ZCRB1: variants seen among roughly 807,000 people sequenced by gnomAD.
The protein encoded by ZCRB1 is zinc finger CCHC-type and RNA-binding motif-containing protein 1.
Under a neutral mutation model 29.9 loss-of-function variants are expected in ZCRB1, and 21 were observed. The observed-to-expected ratio is 0.70, with a 90% CI of 0.50 to 1.01. The LOEUF (loss-of-function observed/expected upper bound fraction) is 1.01, where lower values mean the gene tolerates loss of function less well. ZCRB1 is among the 50% of genes least tolerant of loss of function. The probability of loss-of-function intolerance (pLI) is 0.00; values close to 1 mark genes in which losing one functional copy is unlikely to be tolerated. For missense variants in ZCRB1, 204 were observed against 253.3 expected (o/e 0.81, Z 1.32); for synonymous variants, 77 against 80.0 (o/e 0.96, Z 0.20).
At chr12:42,314,422 A>AAAT (rs2068584888) in intron 5 of ZCRB1, among the ~76,000 whole-genome samples, 1 of 148,188 alleles carries the variant, frequency 6.7e-6, no homozygotes, top group Non-Finnish European at 1.5e-5. Flanking sequence ...AAAAAAAAAA[A>AAAT]AAAAAAAAAT....
intron 3 of ZCRB1, among the ~76,000 whole-genome samples, chr12:42,321,570 A>T (rs1369995508): frequency 1.3e-5 from 2 of 152,236 alleles, no homozygotes; most frequent in Admixed American, 1.3e-4. Flanking sequence ...AAATCTGAAC[A>T]CCCAAAAATT....
intron 5 of ZCRB1, among the ~76,000 whole-genome samples, chr12:42,316,777 G>GT (rs2068596652): frequency 6.6e-6 from 1 of 152,170 alleles, no homozygotes; most frequent in Non-Finnish European, 1.5e-5. Context: ...AGTGACATAA[G>GT]TAATCAGTCT....
At position 42,318,208 on chromosome 12, in the gene ZCRB1, T is replaced by C. The variant is rs2068604187; in HGVS notation, c.114-310A>G. On this transcript the variant is annotated intron_variant, in intron 3 of 7. Transcript: ENST00000266529. ...CCTCTTCCATGCTAACTCCCTCACC[T>C]TGCAAAACAAAACAAAATAAAGGTA... 2.0e-5 allele frequency among the ~76,000 whole-genome samples: 3 copies of C among 152,124 alleles called. No homozygotes were observed. The South Asian group carries it at 6.2e-4, about 32-fold the overall frequency.
chr12:42,323,513 C>T (rs369755302), intron 2 of ZCRB1, among the ~76,000 whole-genome samples: 19 of 152,298 alleles, frequency 1.2e-4, no homozygotes, highest in African/African-American at 4.1e-4. Context: ...CCCAACTTAA[C>T]GTTCAATAGC....
At chr12:42,322,852 A>G (rs2068628565) in intron 2 of ZCRB1, among the ~76,000 whole-genome samples, 1 of 152,168 alleles carries the variant, frequency 6.6e-6, no homozygotes, top group East Asian at 1.9e-4. Context: ...CCTCACCACT[A>G]CCTTGTTATT....
At chr12:42,315,249 A>G (rs1343117394) in intron 5 of ZCRB1, among the ~76,000 whole-genome samples, 2 of 152,258 alleles carry the variant, frequency 1.3e-5, no homozygotes, top group Non-Finnish European at 2.9e-5. Context: ...TTTGTAAAAC[A>G]TAAGAGCTCA....
intron 3 of ZCRB1, among the ~76,000 whole-genome samples, chr12:42,322,048 C>A (rs1279556406): frequency 3.3e-5 from 5 of 151,680 alleles, no homozygotes; most frequent in Non-Finnish European, 1.5e-5. Context: ...TGAAAAAAAA[C>A]AAAACAAAAA....
rs1054304518 is a variant in ZCRB1, at chr12:42,325,200, C to G, written c.-3+724G>C. 8.5e-5 allele frequency among the ~76,000 whole-genome samples: 13 copies of G among 152,252 alleles called. 1 individual carries two copies. The highest frequency in any genetic ancestry group is 6.8e-3 in the Middle Eastern group (2 of 294). On this transcript the variant is annotated intron_variant, in intron 1 of 7. Coordinates refer to ENST00000266529, the MANE Select transcript of ZCRB1 (RefSeq NM_033114.4). ...GTGGTATATGTGGTTTGTTGTTAATCAAAAAGTTGTTATGCTGTGCATGCC... is the reference window on the plus strand; with the variant it reads ...GTGGTATATGTGGTTTGTTGTTAATGAAAAAGTTGTTATGCTGTGCATGCC...
intron 3 of ZCRB1, among the ~76,000 whole-genome samples, chr12:42,319,522 G>GT (rs1285543290): frequency 3.3e-5 from 5 of 152,142 alleles, no homozygotes; most frequent in African/African-American, 1.2e-4. Context: ...AGCATGGCCT[G>GT]TATTTCCCCA....
chr12:42,315,235 T>C (rs985896659), intron 5 of ZCRB1, among the ~76,000 whole-genome samples: 26 of 152,220 alleles, frequency 1.7e-4, no homozygotes, highest in Non-Finnish European at 7.3e-5. Context: ...AGCTAGAACA[T>C]TGATTTGTAA....
At chr12:42,318,617 AT>A (rs1250769360) in intron 3 of ZCRB1, among the ~76,000 whole-genome samples, 1 of 152,224 alleles carries the variant, frequency 6.6e-6, no homozygotes, top group African/African-American at 2.4e-5. Flanking sequence ...ACCGTATGTC[AT>A]TTAACATAGT....
chr12:42,320,588 C>T (rs1447356793), intron 3 of ZCRB1, among the ~76,000 whole-genome samples: 3 of 152,054 alleles, frequency 2.0e-5, no homozygotes, highest in Admixed American at 2.0e-4. Context: ...GCTGGGATTA[C>T]AGGTGTGTAC....
At chr12:42,319,137 A>G (rs1212276705) in intron 3 of ZCRB1, among the ~76,000 whole-genome samples, 1 of 152,160 alleles carries the variant, frequency 6.6e-6, no homozygotes, top group African/African-American at 2.4e-5. Flanking sequence ...TTTTTAAAGT[A>G]GTATTTCAAA....
At position 42,324,083 on chromosome 12, in the gene ZCRB1, G is replaced by A; in HGVS notation, c.20C>T (p.Pro7Leu). MSGGLAPSKSTVYVSNL... is the reference protein window; with the variant it reads MSGGLALSKSTVYVSNL... The stretch of plus-strand genomic sequence containing the variant: ...GGATACATACACTGTGCTCTTACTT[G>A]GAGCCAATCCACCACTCATTTCTAA... Residue 7 changes from proline to leucine, a missense_variant, in exon 2 of 8, where the codon CCA becomes CTA. Transcript: ENST00000266529. 1 of 1,614,088 alleles carries A rather than the reference G, an allele frequency of 6.2e-7. No homozygotes were observed. Among genetic ancestry groups the A allele is most frequent in the South Asian group, 1.1e-5 (1 of 91,084 alleles).
chr12:42,323,114 T>C (rs1022809888), intron 2 of ZCRB1, among the ~76,000 whole-genome samples: 2 of 152,182 alleles, frequency 1.3e-5, no homozygotes, highest in Non-Finnish European at 2.9e-5. Context: ...GTTCCTATTA[T>C]ATAAAAAGTC....
intron 7 of ZCRB1, 137 bp from the exon 8 acceptor site, chr12:42,313,335 C>T: frequency 1.1e-6 from 1 of 900,992 alleles, no homozygotes; most frequent in Non-Finnish European, 1.6e-6. Flanking sequence ...ATAAGATCTG[C>T]TCCCTTCCCC....
In ZCRB1 at chr12:42,313,748, C is replaced by G; in HGVS notation, c.464G>C (p.Ser155Thr). Reference sequence around the variant, plus strand: ...AGCAGGATCCTCCCCTTCATCTTCACTTTCTTCTACTTCCTCACTTAAATA... The same window carrying G: ...AGCAGGATCCTCCCCTTCATCTTCAGTTTCTTCTACTTCCTCACTTAAATA... ...PEEEIEEVEE[S>T]EDEGEDPALD... The change falls in exon 7 of 8, where the codon AGT (serine) becomes ACT (threonine). Residue 155 changes from serine (S) to threonine (T), a missense_variant. Coordinates refer to ENST00000266529, the MANE Select transcript of ZCRB1 (RefSeq NM_033114.4). 1.2e-6 allele frequency: 2 copies of G among 1,614,088 alleles called. No homozygotes were observed. The highest frequency in any genetic ancestry group is 1.7e-6 in the Non-Finnish European group (2 of 1,179,992).
chr12:42,319,699 T>C (rs941941249), intron 3 of ZCRB1, among the ~76,000 whole-genome samples: 1 of 152,238 alleles, frequency 6.6e-6, no homozygotes, highest in African/African-American at 2.4e-5. Flanking sequence ...AATTGTGTTA[T>C]TCATAAACAA....
At chr12:42,324,968 C>G (rs1358303289) in intron 1 of ZCRB1, among the ~76,000 whole-genome samples, 2 of 152,166 alleles carry the variant, frequency 1.3e-5, no homozygotes, top group African/African-American at 2.4e-5. Context: ...CTGAGTGTTA[C>G]GTGATTTCAC....
Sources: allele counts gnomAD v4.1 joint callset (sites outside exome capture counted in the v4.1 genomes callset), GRCh38; gene constraint gnomAD v4.1.1; transcripts MANE v1.5; gene names NCBI Gene and HGNC (gene_info 2026-07-23, HGNC 2026-07-21).